The following GRID1 variants were observed in gnomAD, a reference collection of about 807,000 sequenced individuals.
GRID1 encodes glutamate receptor ionotropic, delta-1.
In GRID1, 28 loss-of-function variants were observed where a neutral mutation model predicts 98.0. That is an observed-to-expected ratio of 0.29 (90% CI 0.21 to 0.39). The LOEUF (loss-of-function observed/expected upper bound fraction) is 0.39, where lower values mean the gene tolerates loss of function less well. Among genes scored for constraint, GRID1 ranks in the 10% least tolerant of loss-of-function variants. The pLI is 1.00. For synonymous variants in GRID1, 553 were observed against 538.5 expected (o/e 1.03, Z -0.37); for missense variants, 1,111 against 1,340.5 (o/e 0.83, Z 2.67).
chr10:85,673,135 T>C (rs905526850), intron 12 of GRID1, among the ~76,000 whole-genome samples: 2 of 152,158 alleles, frequency 1.3e-5, no homozygotes, highest in African/African-American at 4.8e-5. Flanking sequence ...GTGGTAGAAA[T>C]AGCAAGAGAA....
intron 12 of GRID1, among the ~76,000 whole-genome samples, chr10:85,690,739 G>A (rs1841322558): frequency 6.6e-6 from 1 of 152,136 alleles, no homozygotes; most frequent in Non-Finnish European, 1.5e-5. Flanking sequence ...TGTTGGCACA[G>A]TTGCACATCA....
intron 8 of GRID1, among the ~76,000 whole-genome samples, chr10:85,740,622 C>T (rs1450914828): frequency 1.3e-5 from 2 of 152,108 alleles, no homozygotes; most frequent in East Asian, 3.9e-4. Flanking sequence ...TTCCTTGTAC[C>T]TCCAGGAAGT....
intron 4 of GRID1, among the ~76,000 whole-genome samples, chr10:86,132,250 G>A (rs1844848908): frequency 6.6e-6 from 1 of 152,154 alleles, no homozygotes; most frequent in Non-Finnish European, 1.5e-5. Context: ...AAGGGACAGA[G>A]CCATGTAGAG....
chr10:85,609,582 G>T (rs1842711139), intron 15 of GRID1, among the ~76,000 whole-genome samples: 1 of 152,238 alleles, frequency 6.6e-6, no homozygotes, highest in Non-Finnish European at 1.5e-5. Context: ...TTCACAGTGG[G>T]TTGGGGCATG....
intron 4 of GRID1, among the ~76,000 whole-genome samples, chr10:86,073,983 C>T (rs1391168825): frequency 2.2e-5 from 3 of 136,480 alleles, no homozygotes; most frequent in African/African-American, 8.3e-5. Flanking sequence ...TCCCATTATT[C>T]TGAGTAGAAG....
intron 5 of GRID1, among the ~76,000 whole-genome samples, chr10:85,891,779 T>C (rs1174473610): frequency 2.0e-5 from 3 of 152,108 alleles, no homozygotes; most frequent in Non-Finnish European, 4.4e-5. Flanking sequence ...GGACTAACAA[T>C]GAATCAAGCA....
At chr10:86,067,364 G>C (rs1198715841) in intron 4 of GRID1, among the ~76,000 whole-genome samples, 1 of 152,178 alleles carries the variant, frequency 6.6e-6, no homozygotes, top group Non-Finnish European at 1.5e-5. Context: ...TCACGAGGCA[G>C]GTCAGGCTTG....
intron 3 of GRID1, among the ~76,000 whole-genome samples, chr10:86,166,853 C>A (rs1248444558): frequency 6.6e-6 from 1 of 152,188 alleles, no homozygotes; most frequent in Non-Finnish European, 1.5e-5. Flanking sequence ...GCCCAAGTAC[C>A]TCCTTACCTC....
intron 3 of GRID1, among the ~76,000 whole-genome samples, chr10:86,148,066 T>C (rs548168980): frequency 1.3e-5 from 2 of 152,340 alleles, no homozygotes; most frequent in South Asian, 2.1e-4. Flanking sequence ...GGCCCTCTTC[T>C]CTGGGAATCT....
At chr10:85,717,017 A>C (rs1436767385) in intron 12 of GRID1, among the ~76,000 whole-genome samples, 1 of 152,176 alleles carries the variant, frequency 6.6e-6, no homozygotes, top group Non-Finnish European at 1.5e-5. Context: ...GTTAGGTATG[A>C]TGAATAAGAT....
At chr10:85,702,742 A>C (rs1040312304) in intron 12 of GRID1, among the ~76,000 whole-genome samples, 1 of 151,966 alleles carries the variant, frequency 6.6e-6, no homozygotes, top group Non-Finnish European at 1.5e-5. Flanking sequence ...AAAGAGAAGA[A>C]GAAAAAGAGC....
chr10:86,091,824 AC>A (rs1358044795), intron 4 of GRID1, among the ~76,000 whole-genome samples: 1 of 151,972 alleles, frequency 6.6e-6, no homozygotes, highest in Admixed American at 6.6e-5. Context: ...TGTGCAGACA[AC>A]CCCCAATACC....
chr10:86,271,905 C>T (rs998558793), intron 2 of GRID1, among the ~76,000 whole-genome samples: 12 of 151,768 alleles, frequency 7.9e-5, no homozygotes, highest in Non-Finnish European at 1.6e-4. Flanking sequence ...TGACAAAAAC[C>T]ATAAATGCAC....
chr10:86,354,013 T>C lies in GRID1; in HGVS notation c.235+9928A>G, dbSNP rs558353251. Among the ~76,000 whole-genome samples the C allele has an allele frequency of 3.3e-5, 5 of 151,476 alleles. No individual in the cohort carries two copies. The South Asian group carries it at 1.0e-3, about 32-fold the overall frequency. On this transcript the variant is annotated intron_variant, in intron 2 of 15. Coordinates refer to ENST00000327946, the MANE Select transcript of GRID1 (RefSeq NM_017551.3). ...CCAGAGCCCAGACCAGAGGCCAGAG[T>C]GGGGCCACTCCATGGCTCACCACAC...
At chr10:85,953,871 G>A (rs1297363869) in intron 4 of GRID1, among the ~76,000 whole-genome samples, 1 of 152,066 alleles carries the variant, frequency 6.6e-6, no homozygotes, top group Non-Finnish European at 1.5e-5. Flanking sequence ...AATTCTTAGT[G>A]TGGGACAATG....
chr10:85,882,093 G>C, intron 5 of GRID1, among the ~76,000 whole-genome samples: 1 of 152,202 alleles, frequency 6.6e-6, no homozygotes. Flanking sequence ...ACACCAGTTA[G>C]AATGGTGATC....
chr10:86,069,746 A>G (rs1843775900), intron 4 of GRID1, among the ~76,000 whole-genome samples: 1 of 152,212 alleles, frequency 6.6e-6, no homozygotes, highest in African/African-American at 2.4e-5. Context: ...TTTTCAGTGG[A>G]AAAGATGTCC....
chr10:85,909,735 G>A (rs903655848), intron 5 of GRID1, among the ~76,000 whole-genome samples: 1 of 152,162 alleles, frequency 6.6e-6, no homozygotes, highest in African/African-American at 2.4e-5. Flanking sequence ...CAGATCAGTA[G>A]TTGCCTAGAG....
chr10:86,200,345 G>A (rs1037881962), intron 3 of GRID1, among the ~76,000 whole-genome samples: 2 of 152,168 alleles, frequency 1.3e-5, no homozygotes, highest in Non-Finnish European at 2.9e-5. Flanking sequence ...ATTTGCATGA[G>A]CTTTCTTCAG....
Sources: gnomAD v4.1 joint callset for allele counts (sites outside exome capture counted in the v4.1 genomes callset) on GRCh38, gnomAD v4.1.1 for gene constraint, MANE v1.5 for transcripts, NCBI Gene and HGNC (gene_info 2026-07-23, HGNC 2026-07-21) for gene names.